Variants in BABAM2 observed in about 807,000 individuals in gnomAD.
BABAM2 encodes the protein BRISC and BRCA1 A complex member 2.
Under a neutral mutation model 54.7 loss-of-function variants are expected in BABAM2, and 31 were observed. The observed-to-expected ratio is 0.57, with a 90% confidence interval of 0.43 to 0.77. BABAM2 has a LOEUF of 0.77. Among genes scored for constraint, BABAM2 ranks in the 30% least tolerant of loss-of-function variants. The pLI is 0.00. For missense variants in BABAM2, 364 were observed against 455.8 expected (o/e 0.80, Z 1.83); for synonymous variants, 167 against 162.9 (o/e 1.03, Z -0.19).
At position 28,196,321 on chromosome 2, in the gene BABAM2, C is replaced by CGTCTCAAAAAAAAAAAAAAAAAAAAA. The variant is rs1360883175; in HGVS notation, c.681-40881_681-40880insGTCTCAAAAAAAAAAAAAAAAAAAAA. 5.6e-5 allele frequency among the ~76,000 whole-genome samples: 6 copies of CGTCTCAAAAAAAAAAAAAAAAAAAAA among 107,550 alleles called. 1 individual carries two copies. The highest frequency in any genetic ancestry group is 8.5e-5 in the African/African-American group (3 of 35,366). The allele number at this position is 107,550 out of a possible 152,430, so 70.6% of individuals were successfully genotyped here. A position where few individuals can be genotyped will look rare whatever the true frequency, so the allele number is the denominator to read the frequency against. On this transcript the variant is annotated intron_variant, in intron 7 of 11. Coordinates refer to ENST00000379624, the MANE Select transcript of BABAM2 (RefSeq NM_199191.3). The stretch of plus-strand genomic sequence containing the variant: ...CAGCCTGGGCAACAGAGCAAGACTC[C>CGTCTCAAAAAAAAAAAAAAAAAAAAA]ATATAAAAAAAAAATGAATTTTTTA...
Position 28,036,520 on chromosome 2 carries a change from C to G in BABAM2, c.496-9205C>G, listed in dbSNP as rs1311167440. Among the ~76,000 whole-genome samples, 3 of 152,112 alleles carry G rather than the reference C, an allele frequency of 2.0e-5. No individual in the cohort carries two copies. In the East Asian group the frequency reaches 5.8e-4, roughly 29 times the overall value. On this transcript the variant is annotated intron_variant, in intron 5 of 11. Transcript: ENST00000379624. ...TTAGTACTGAGGGAGTGAGATTGGTCTCTGTATGAGTAATTGGTCTGTAAC... is the reference window on the plus strand; with the variant it reads ...TTAGTACTGAGGGAGTGAGATTGGTGTCTGTATGAGTAATTGGTCTGTAAC...
chr2:28,317,277 C>T (rs11694858), intron 11 of BABAM2, among the ~76,000 whole-genome samples: 27,019 of 152,094 alleles, frequency 0.18, 3,308 homozygotes, highest in East Asian at 0.58. Flanking sequence ...AGCTTTTCAC[C>T]TTGGTTTCAG....
At chr2:27,896,364 T>G (rs573321500) in intron 2 of BABAM2, 1 of 158,006 alleles carries the variant, frequency 6.3e-6, no homozygotes, top group East Asian at 1.8e-4. Flanking sequence ...ATGGCTGGGG[T>G]AGGGGCAGCC....
At chr2:27,938,988 C>T (rs941520683) in intron 3 of BABAM2, among the ~76,000 whole-genome samples, 1 of 152,106 alleles carries the variant, frequency 6.6e-6, no homozygotes, top group Non-Finnish European at 1.5e-5. Flanking sequence ...AAGTCTTGCT[C>T]TAGCACCAGG....
intron 7 of BABAM2, among the ~76,000 whole-genome samples, chr2:28,162,509 G>T (rs1673199343): frequency 6.6e-6 from 1 of 152,138 alleles, no homozygotes; most frequent in Admixed American, 6.5e-5. Context: ...CTACTGTCTG[G>T]CATACACTAC....
intron 3 of BABAM2, among the ~76,000 whole-genome samples, chr2:27,933,209 T>C (rs1668226202): frequency 6.6e-6 from 1 of 152,202 alleles, no homozygotes; most frequent in African/African-American, 2.4e-5. Flanking sequence ...CTGTCACTCA[T>C]CATATAACAT....
chr2:28,137,362 A>G (rs1245921528), intron 7 of BABAM2, among the ~76,000 whole-genome samples: 1 of 152,148 alleles, frequency 6.6e-6, no homozygotes, highest in Non-Finnish European at 1.5e-5. Flanking sequence ...AGGAGAAGAT[A>G]TGTATTTGAT....
chr2:28,274,486 G>C (rs967622821), intron 10 of BABAM2, among the ~76,000 whole-genome samples: 16 of 152,248 alleles, frequency 1.1e-4, no homozygotes, highest in Middle Eastern at 3.4e-3. Context: ...AGAATGCAGT[G>C]GTGCGATCTT....
At chr2:27,946,702 G>GGA (rs937278341) in intron 3 of BABAM2, among the ~76,000 whole-genome samples, 9 of 151,020 alleles carry the variant, frequency 6.0e-5, no homozygotes, top group South Asian at 2.1e-4. Context: ...GGAGAAGAGA[G>GGA]GAGAGAGAGA....
At chr2:28,248,902 A>G (rs960910714) in intron 10 of BABAM2, among the ~76,000 whole-genome samples, 2 of 152,118 alleles carry the variant, frequency 1.3e-5, no homozygotes, top group African/African-American at 4.8e-5. Context: ...CTAAGAACCT[A>G]CTGCATGCTC....
intron 11 of BABAM2, among the ~76,000 whole-genome samples, chr2:28,333,042 C>CGT (rs1691102987): frequency 1.3e-5 from 2 of 152,042 alleles, no homozygotes; most frequent in Admixed American, 6.6e-5. Context: ...GGCACACACG[C>CGT]GTTCTTCTGG....
At chr2:28,183,191 C>A (rs1675829259) in intron 7 of BABAM2, among the ~76,000 whole-genome samples, 3 of 152,180 alleles carry the variant, frequency 2.0e-5, no homozygotes. Flanking sequence ...GTAATCCCAG[C>A]ACTTTGGGAG....
chr2:28,058,995 C>T (rs1418921466), intron 6 of BABAM2, among the ~76,000 whole-genome samples: 1 of 152,120 alleles, frequency 6.6e-6, no homozygotes, highest in Non-Finnish European at 1.5e-5. Flanking sequence ...ACCGTTGCCT[C>T]CCTTATCCTG....
upstream of BABAM2, chr2:27,890,332 C>A: frequency 6.2e-7 from 1 of 1,613,574 alleles, no homozygotes; most frequent in Non-Finnish European, 8.5e-7. This position sits in a 1 kb window ranked among gnomAD's most constrained non-coding sequence, Gnocchi z 4.8. Flanking sequence ...CTGGGGTTCC[C>A]CAGACGCCGC....
intron 2 of BABAM2, among the ~76,000 whole-genome samples, chr2:27,917,800 A>G (rs1667091323): frequency 6.6e-6 from 1 of 152,166 alleles, no homozygotes; most frequent in Non-Finnish European, 1.5e-5. Flanking sequence ...ATAAGCTAAA[A>G]ATGATATAAA....
At chr2:28,324,627 CAA>C (rs142164893) in intron 11 of BABAM2, among the ~76,000 whole-genome samples, 1 of 132,282 alleles carries the variant, frequency 7.6e-6, no homozygotes. Flanking sequence ...CCCATCTCTA[CAA>C]AAAAAAAAAA....
At chr2:28,175,387 T>G (rs1002427739) in intron 7 of BABAM2, among the ~76,000 whole-genome samples, 1 of 152,106 alleles carries the variant, frequency 6.6e-6, no homozygotes, top group Non-Finnish European at 1.5e-5. Flanking sequence ...CAGGAGGCCC[T>G]GAGTACAAGC....
chr2:28,011,188 T>A (rs1214225947), intron 4 of BABAM2, among the ~76,000 whole-genome samples: 1 of 152,184 alleles, frequency 6.6e-6, no homozygotes, highest in Admixed American at 6.5e-5. Flanking sequence ...AAACAATGGA[T>A]GTTTACTAAA....
chr2:28,099,665 A>G (rs1666911343), intron 6 of BABAM2, among the ~76,000 whole-genome samples: 2 of 152,194 alleles, frequency 1.3e-5, no homozygotes, highest in African/African-American at 2.4e-5. Flanking sequence ...TTGGAAAATA[A>G]GACTATATTT....
Sources: allele counts gnomAD v4.1 joint callset (sites outside exome capture counted in the v4.1 genomes callset), GRCh38; gene constraint gnomAD v4.1.1; non-coding constraint Gnocchi (gnomAD v3.1); transcripts MANE v1.5; gene names NCBI Gene and HGNC (gene_info 2026-07-23, HGNC 2026-07-21).